ADGRL3: variants seen among roughly 807,000 people sequenced by gnomAD.
ADGRL3 encodes adhesion G protein-coupled receptor L3.
In ADGRL3, 62 loss-of-function variants were observed where a neutral mutation model predicts 153.5. The ratio of observed to expected loss-of-function variants is 0.40; its 90% CI spans 0.33 to 0.50. ADGRL3 has a LOEUF of 0.50. Ranked by LOEUF, ADGRL3 falls within the 20% of genes least tolerant of loss-of-function variation. The pLI is 0.47. For synonymous variants in ADGRL3, 710 were observed against 672.5 expected (o/e 1.06, Z -0.86); for missense variants, 1,641 against 1,859.4 (o/e 0.88, Z 2.16).
intron 6 of ADGRL3, among the ~76,000 whole-genome samples, chr4:61,691,248 G>A (rs1463406526): frequency 6.6e-6 from 1 of 152,162 alleles, no homozygotes; most frequent in Non-Finnish European, 1.5e-5. Flanking sequence ...GGTACCTGAT[G>A]ATAGTTTCTA....
intron 8 of ADGRL3, among the ~76,000 whole-genome samples, chr4:61,742,332 G>A (rs1335491510): frequency 2.0e-5 from 3 of 152,082 alleles, no homozygotes; most frequent in African/African-American, 4.8e-5. Flanking sequence ...AGGCTGGAGT[G>A]CACTGGAGCG....
chr4:61,597,595 T>A (rs1206532365), intron 5 of ADGRL3, among the ~76,000 whole-genome samples: 2 of 151,828 alleles, frequency 1.3e-5, no homozygotes, highest in African/African-American at 4.8e-5. Flanking sequence ...TATCATATTA[T>A]AATATGATCC....
At chr4:61,303,845 T>C (rs1425749249) in intron 1 of ADGRL3, among the ~76,000 whole-genome samples, 1 of 152,192 alleles carries the variant, frequency 6.6e-6, no homozygotes, top group African/African-American at 2.4e-5. Context: ...CAATTTTGAA[T>C]GGTTACACAA....
chr4:61,484,405 T>A (rs938364199), intron 2 of ADGRL3, among the ~76,000 whole-genome samples: 13 of 152,194 alleles, frequency 8.5e-5, no homozygotes, highest in African/African-American at 3.1e-4. Flanking sequence ...AGTTAGGTCA[T>A]CACTGCTTTA....
chr4:61,236,965 T>C (rs1345204009), intron 1 of ADGRL3, among the ~76,000 whole-genome samples: 1 of 152,220 alleles, frequency 6.6e-6, no homozygotes, highest in Admixed American at 6.6e-5. Flanking sequence ...TTAATATCTT[T>C]TGCTCTGCAT....
intron 1 of ADGRL3, among the ~76,000 whole-genome samples, chr4:61,277,364 C>T (rs974295944): frequency 1.3e-5 from 2 of 152,186 alleles, no homozygotes; most frequent in Non-Finnish European, 2.9e-5. Flanking sequence ...ATGCAGATAA[C>T]ATAAAAAGTA....
chr4:61,750,415 A>C (rs1290400691), intron 8 of ADGRL3, among the ~76,000 whole-genome samples: 2 of 152,180 alleles, frequency 1.3e-5, no homozygotes, highest in East Asian at 1.9e-4. Flanking sequence ...CTGCTTTGTC[A>C]CATTGCCTCC....
At position 61,525,104 on chromosome 4, in the gene ADGRL3, T is replaced by C. The variant is rs138543359; in HGVS notation, c.259+7586T>C. Among the ~76,000 whole-genome samples, 95 of 151,796 alleles carry C rather than the reference T, an allele frequency of 6.3e-4. 3 individuals are homozygous for C. The highest frequency in any genetic ancestry group is 5.9e-3 in the Admixed American group (89 of 15,206). On this transcript the variant is annotated intron_variant, in intron 4 of 26. Coordinates refer to ENST00000683033, the MANE Select transcript of ADGRL3 (RefSeq NM_001387552.1). The stretch of plus-strand genomic sequence containing the variant: ...TAAACCAGAAATGCAGTCAACTCTA[T>C]GATTTGGTGGAATACGGTGTCAGTT...
At chr4:61,976,844 C>T (rs1478949622) in intron 17 of ADGRL3, among the ~76,000 whole-genome samples, 1 of 152,128 alleles carries the variant, frequency 6.6e-6, no homozygotes, top group Non-Finnish European at 1.5e-5. Flanking sequence ...ATGTCTTTAT[C>T]AGCAGCATGA....
At chr4:62,002,856 A>G (rs541947458) in intron 21 of ADGRL3, among the ~76,000 whole-genome samples, 1 of 152,268 alleles carries the variant, frequency 6.6e-6, no homozygotes, top group Non-Finnish European at 1.5e-5. Context: ...TGTAAATATG[A>G]ATAAACCTGT....
chr4:62,001,486 GA>G (rs1328872376), intron 21 of ADGRL3, among the ~76,000 whole-genome samples: 1 of 152,112 alleles, frequency 6.6e-6, no homozygotes, highest in African/African-American at 2.4e-5. Flanking sequence ...GGTATCTCCA[GA>G]AAATATTCCT....
At position 61,998,225 on chromosome 4, in the gene ADGRL3, G is replaced by T. The variant is rs1285499215; in HGVS notation, c.3355G>T (p.Ala1119Ser). The change falls in exon 21 of 27, where the codon GCT (alanine) becomes TCT (serine). Residue 1119 changes from alanine to serine, a missense_variant. Around this residue, in one of 5 missense-constraint regions of ADGRL3, gnomAD observed 517 missense variants for 555.0 expected, o/e 0.93. Coordinates refer to ENST00000683033, the MANE Select transcript of ADGRL3 (RefSeq NM_001387552.1). ...IALYKMFHHT[A>S]ILKPESGCLD... is the part of the protein sequence containing the mutation. ...TTTATATAAAATGTTTCATCATACT[G>T]CTATACTGAAACCTGAATCAGGCTG... 2 of 1,586,016 alleles carry T rather than the reference G, an allele frequency of 1.3e-6. No homozygotes were observed. The highest frequency in any genetic ancestry group is 2.3e-5 in the East Asian group (1 of 43,808).
At chr4:61,273,960 T>C (rs892627750) in intron 1 of ADGRL3, among the ~76,000 whole-genome samples, 28 of 152,194 alleles carry the variant, frequency 1.8e-4, no homozygotes, top group African/African-American at 6.3e-4. Flanking sequence ...ATTCTGACTC[T>C]TACAATAAAG....
intron 1 of ADGRL3, among the ~76,000 whole-genome samples, chr4:61,338,082 T>A (rs2095718754): frequency 6.6e-6 from 1 of 151,918 alleles, no homozygotes; most frequent in East Asian, 1.9e-4. Flanking sequence ...CCGGTAAACA[T>A]GGTGAAGCCC....
chr4:61,780,648 C>T lies in ADGRL3; in HGVS notation c.1400-33161C>T, dbSNP rs531250639. Among the ~76,000 whole-genome samples, 11 of 152,282 alleles carry T rather than the reference C, an allele frequency of 7.2e-5. No individual in the cohort carries two copies. In the South Asian group the frequency reaches 2.1e-3, roughly 29 times the overall value. On this transcript the variant is annotated intron_variant, in intron 8 of 26. Coordinates refer to ENST00000683033, the MANE Select transcript of ADGRL3 (RefSeq NM_001387552.1). ...ATAACACATGATGGATACCTTCTTC[C>T]ATCCATTCCCACTGATTTCCCTAAA...
At chr4:61,732,436 A>G (rs369201171) in intron 7 of ADGRL3, among the ~76,000 whole-genome samples, 5 of 152,314 alleles carry the variant, frequency 3.3e-5, no homozygotes, top group East Asian at 1.9e-4. Flanking sequence ...TTATATGTCT[A>G]TAGAATACAT....
intron 17 of ADGRL3, among the ~76,000 whole-genome samples, chr4:61,966,899 G>A (rs1257411213): frequency 6.6e-6 from 1 of 152,086 alleles, no homozygotes; most frequent in Non-Finnish European, 1.5e-5. Context: ...TTTGGTCACA[G>A]AAGGAAATAT....
At chr4:61,647,550 C>T (rs969615397) in intron 5 of ADGRL3, among the ~76,000 whole-genome samples, 9 of 151,982 alleles carry the variant, frequency 5.9e-5, no homozygotes. Context: ...TTGACGTTAG[C>T]CTTTTCCTGG....
intron 9 of ADGRL3, among the ~76,000 whole-genome samples, chr4:61,832,845 G>A (rs1157833691): frequency 1.5e-5 from 2 of 133,790 alleles, no homozygotes; most frequent in South Asian, 2.4e-4. Context: ...AGGGGTCTAT[G>A]TGCAGTGTTC....
Sources: gnomAD v4.1 joint callset for allele counts (sites outside exome capture counted in the v4.1 genomes callset) on GRCh38, gnomAD v4.1.1 for gene constraint, gnomAD v4.1.1 regional missense constraint, MANE v1.5 for transcripts, NCBI Gene and HGNC (gene_info 2026-07-23, HGNC 2026-07-21) for gene names.